Variants in DBH observed in about 807,000 individuals in gnomAD.
The protein encoded by DBH is dopamine beta-hydroxylase.
In DBH, 49 loss-of-function variants were observed where a neutral mutation model predicts 64.0. That is an observed-to-expected ratio of 0.77 (90% CI 0.61 to 0.97). DBH has a LOEUF of 0.97. DBH is among the 50% of genes least tolerant of loss of function. The pLI, the probability that DBH is intolerant of heterozygous loss-of-function variation, is 0.00. For synonymous variants in DBH, 343 were observed against 347.1 expected, an observed-to-expected ratio of 0.99 and a Z score of 0.13; for missense variants, 828 against 826.6, an observed-to-expected ratio of 1.00 and a Z score of -0.02.
At position 133,658,638 on chromosome 9, in the gene DBH, G is replaced by A. The variant is rs1832368667; in HGVS notation, c.*191G>A. 2 of 640,224 alleles carry A rather than the reference G, an allele frequency of 3.1e-6. No individual in the cohort carries two copies. Among genetic ancestry groups the A allele is most frequent in the African/African-American group, 3.7e-5 (2 of 54,558 alleles). The allele number at this position is 640,224 out of a possible 1,614,324, so 39.7% of individuals were successfully genotyped here. A position where few individuals can be genotyped will look rare whatever the true frequency, so the allele number is the denominator to read the frequency against. The stretch of plus-strand genomic sequence containing the variant: ...CCAGGGTCCCCTGCATGGCTGAGAG[G>A]GTGTGGGTGCCCTGTTGACCTACCC... On this transcript the variant is annotated 3_prime_UTR_variant, in exon 12 of 12. Transcript: ENST00000393056.
Position 133,637,875 on chromosome 9 carries a change from A to T in DBH, c.339+1165A>T, listed in dbSNP as rs543398976. Among the ~76,000 whole-genome samples the T allele has an allele frequency of 1.2e-4, 18 of 152,314 alleles. No individual in the cohort carries two copies. In the South Asian group the frequency reaches 1.7e-3, roughly 14 times the overall value. On this transcript the variant is annotated intron_variant, in intron 1 of 11. Coordinates refer to ENST00000393056, the MANE Select transcript of DBH (RefSeq NM_000787.4). ...CCTGCTCTGACCCATAGGGCTGCAC[A>T]GATTCCTGTGCACAAAGACACTCTG... is the stretch of plus-strand genomic sequence containing the variant.
intron 5 of DBH, 51 bp from the exon 6 acceptor site, chr9:133,647,795 T>A: frequency 6.2e-7 from 1 of 1,609,732 alleles, no homozygotes; most frequent in Non-Finnish European, 8.5e-7. Flanking sequence ...CAGGGGGAAG[T>A]GAGAGGGCCT....
intron 8 of DBH, among the ~76,000 whole-genome samples, chr9:133,652,486 G>A (rs1001813323): frequency 6.6e-5 from 10 of 152,178 alleles, no homozygotes; most frequent in South Asian, 2.1e-4. Context: ...ATGGAGAGAC[G>A]TTGGAAAGAG....
chr9:133,658,567 G>C lies in DBH; in HGVS notation c.*120G>C, dbSNP rs970825406. 3 of 1,188,140 alleles carry C rather than the reference G, an allele frequency of 2.5e-6. No homozygotes were observed. The highest frequency in any genetic ancestry group is 3.1e-5 in the African/African-American group (2 of 64,628). The allele number at this position is 1,188,140 out of a possible 1,614,324, so 73.6% of individuals were successfully genotyped here. ...CTGCACGCCCAGGATGAAGGGGCCA[G>C]ACCACGCCCCTGCCTGAGACCACGG... On this transcript the variant is annotated 3_prime_UTR_variant, in exon 12 of 12. Transcript: ENST00000393056.
At chr9:133,646,356 T>A (rs1014041185) in intron 5 of DBH, among the ~76,000 whole-genome samples, 1 of 151,714 alleles carries the variant, frequency 6.6e-6, no homozygotes, top group Non-Finnish European at 1.5e-5. Context: ...ATGTCCACCA[T>A]GCATCCGGGG....
At chr9:133,656,057 G>C (rs1832313446) in intron 9 of DBH, 1 of 296,926 alleles carries the variant, frequency 3.4e-6, no homozygotes, top group Non-Finnish European at 6.6e-6. Flanking sequence ...GGTGGACGGT[G>C]CGGGGCTGCA....
intron 1 of DBH, 51 bp from the exon 2 acceptor site, chr9:133,639,795 T>C: frequency 1.3e-6 from 2 of 1,581,718 alleles, no homozygotes; most frequent in Non-Finnish European, 1.7e-6. Context: ...CCCCTGTGGA[T>C]TGGCCCGGCT....
chr9:133,656,731 T>C, intron 10 of DBH, 81 bp downstream of exon 10: 3 of 1,553,792 alleles, frequency 1.9e-6, no homozygotes, highest in Non-Finnish European at 2.6e-6. Flanking sequence ...CTGGGCAGAT[T>C]GGAGGAGTCC....
rs910361753 is a variant in DBH at position 133,643,167 on chromosome 9, G to A, written c.745-246G>A. Among the ~76,000 whole-genome samples, 6 of 142,946 alleles carry A rather than the reference G, an allele frequency of 4.2e-5. No individual in the cohort carries two copies. Among genetic ancestry groups the A allele is most frequent in the African/African-American group, 1.1e-4 (4 of 37,994 alleles). 93.8% of individuals were successfully genotyped at this position (142,946 alleles called of 152,430 possible). A position where few individuals can be genotyped will look rare whatever the true frequency, so the allele number is the denominator to read the frequency against. Reference sequence around the variant, plus strand: ...GCCACAGCCCCATATGCATGAGGACGGCTGCGTCCTGTCCCTGCCTTGGCC... The same window carrying A: ...GCCACAGCCCCATATGCATGAGGACAGCTGCGTCCTGTCCCTGCCTTGGCC... On this transcript the variant is annotated intron_variant, in intron 3 of 11. Coordinates refer to ENST00000393056, the MANE Select transcript of DBH (RefSeq NM_000787.4). The surrounding 1 kb of genome is among the most constrained non-coding windows in gnomAD (Gnocchi z 5.3).
At chr9:133,652,542 T>C (rs747312527) in intron 8 of DBH, among the ~76,000 whole-genome samples, 2 of 152,100 alleles carry the variant, frequency 1.3e-5, no homozygotes, top group East Asian at 1.9e-4. Flanking sequence ...CTCAGTCTGA[T>C]GGGCCGACCA....
rs115348063 is a variant in DBH at position 133,649,258 on chromosome 9, T to C, written c.1191+1246T>C. Among the ~76,000 whole-genome samples, 1,154 of 152,324 alleles carry C rather than the reference T, an allele frequency of 7.6e-3. 19 individuals are homozygous for C. The highest frequency in any genetic ancestry group is 0.025 in the African/African-American group (1,043 of 41,580). ...GTTTCTAGGAGTTCTTCTTATATGA[T>C]GGATGTTATTTCATAGTTTGTGTAT... On this transcript the variant is annotated intron_variant, in intron 6 of 11. Coordinates refer to ENST00000393056, the MANE Select transcript of DBH (RefSeq NM_000787.4).
At position 133,642,410 on chromosome 9, in the gene DBH, C is replaced by T; in HGVS notation, c.690C>T (p.Tyr230=). ...AGATCCCCAGCCAGGAGACCACGTACTGGTGCTACATTAAGGAGCTTCCAA... is the reference window on the plus strand; with the variant it reads ...AGATCCCCAGCCAGGAGACCACGTATTGGTGCTACATTAAGGAGCTTCCAA... ...NIQIPSQETT[Y]WCYIKELPKG... The change falls in exon 3 of 12, where the codon TAC becomes TAT. Residue 230 remains tyrosine (Y), a synonymous_variant. Coordinates refer to ENST00000393056, the MANE Select transcript of DBH (RefSeq NM_000787.4). 2 of 1,613,900 alleles carry T rather than the reference C, an allele frequency of 1.2e-6. No homozygotes were observed. Among genetic ancestry groups the T allele is most frequent in the Non-Finnish European group, 1.7e-6 (2 of 1,179,902 alleles).
At chr9:133,646,315 A>G (rs879307584) in intron 5 of DBH, among the ~76,000 whole-genome samples, 17 of 131,786 alleles carry the variant, frequency 1.3e-4, no homozygotes, top group Admixed American at 2.9e-4. Context: ...CAGCCCCTCC[A>G]GACCACCCCG....
Position 133,658,429 on chromosome 9 carries a change from TGGTGGGGGCAAAGGCTGAGGGG to T in DBH, c.1839_*6del. The T allele has an allele frequency of 6.2e-7, 1 of 1,612,256 alleles. No homozygotes were observed. Among genetic ancestry groups the T allele is most frequent in the Non-Finnish European group, 8.5e-7 (1 of 1,178,938 alleles). ...CTGCTGGCCCCACCGTTGTCAGCATTGGTGGGGGCAAAGGCTGAGGGGGGACCTACTCCTCCCCCTCCTCCAT... is the reference window on the plus strand; with the variant it reads ...CTGCTGGCCCCACCGTTGTCAGCATTGGACCTACTCCTCCCCCTCCTCCAT... On this transcript the variant is annotated stop_lost and 3_prime_UTR_variant, in exon 12 of 12. Transcript: ENST00000393056.
In DBH at chr9:133,657,248, G is replaced by C. The variant is rs76052418; in HGVS notation, c.1722+19G>C. 1.2e-6 allele frequency: 2 copies of C among 1,613,088 alleles called. No homozygotes were observed. Among genetic ancestry groups the C allele is most frequent in the East Asian group, 2.2e-5 (1 of 44,884 alleles). On this transcript the variant is annotated intron_variant, in intron 11 of 11. Transcript: ENST00000393056. ...CTTCCAGGTGCGCTGCCATGGGCCCGGGTGGGGCATGCAGTCAGGCAGGCC... is the reference window on the plus strand; with the variant it reads ...CTTCCAGGTGCGCTGCCATGGGCCCCGGTGGGGCATGCAGTCAGGCAGGCC...
At chr9:133,645,136 C>T (rs1175910189) in intron 5 of DBH, among the ~76,000 whole-genome samples, 1 of 152,150 alleles carries the variant, frequency 6.6e-6, no homozygotes, top group Non-Finnish European at 1.5e-5. Context: ...TGACCTCACC[C>T]GCTGCCTGTT....
intron 5 of DBH, among the ~76,000 whole-genome samples, chr9:133,647,047 G>A (rs1832190026): frequency 6.6e-6 from 1 of 152,194 alleles, no homozygotes; most frequent in South Asian, 2.1e-4. Context: ...TCATCTGAGA[G>A]CACACAGCAC....
chr9:133,650,061 C>G (rs915262833), intron 6 of DBH, among the ~76,000 whole-genome samples: 2 of 152,204 alleles, frequency 1.3e-5, no homozygotes, highest in African/African-American at 4.8e-5. Flanking sequence ...AGAGCATAGT[C>G]CTCCCTCCAC....
chr9:133,637,960 C>T (rs533085743), intron 1 of DBH, among the ~76,000 whole-genome samples: 1 of 152,386 alleles, frequency 6.6e-6, no homozygotes, highest in African/African-American at 2.4e-5. Flanking sequence ...CGTCAGCCGT[C>T]TGGAGGAGCA....
Sources: allele counts gnomAD v4.1 joint callset (sites outside exome capture counted in the v4.1 genomes callset), GRCh38; gene constraint gnomAD v4.1.1; non-coding constraint Gnocchi (gnomAD v3.1); transcripts MANE v1.5; gene names NCBI Gene and HGNC (gene_info 2026-07-23, HGNC 2026-07-21).